Variants in TYW1B observed in about 807,000 individuals in gnomAD.
TYW1B encodes the protein tRNA-yW synthesizing protein 1 homolog B.
TYW1B carries 73 observed loss-of-function variants against 86.9 expected under a neutral mutation model. The observed-to-expected ratio is 0.84, with a 90% confidence interval of 0.70 to 1.02. The LOEUF is 1.02. Ranked by LOEUF, TYW1B falls within the 50% of genes least tolerant of loss-of-function variation. TYW1B has a pLI of 0.00. For synonymous variants in TYW1B, 248 were observed against 292.8 expected (o/e 0.85, Z 1.56); for missense variants, 637 against 827.4 (o/e 0.77, Z 2.82).
At chr7:72,589,400 C>T (rs192019935) in intron 13 of TYW1B, among the ~76,000 whole-genome samples, 19 of 152,190 alleles carry the variant, frequency 1.2e-4, no homozygotes, top group Admixed American at 1.2e-3. Flanking sequence ...GGAAATACCT[C>T]GATTTAGAGT....
chr7:72,643,119 G>A (rs1473997798), intron 11 of TYW1B, among the ~76,000 whole-genome samples: 4 of 152,004 alleles, frequency 2.6e-5, no homozygotes, highest in Admixed American at 1.3e-4. Context: ...TGGAAAGGAT[G>A]AGCATCTATA....
chr7:72,698,367 G>C (rs139419539), intron 10 of TYW1B, among the ~76,000 whole-genome samples: 6 of 152,016 alleles, frequency 3.9e-5, no homozygotes, highest in Non-Finnish European at 7.4e-5. Context: ...GCATCAGGCC[G>C]GGCACAGTGG....
At chr7:72,664,566 CAT>C (rs1204969067) in intron 11 of TYW1B, among the ~76,000 whole-genome samples, 2 of 152,044 alleles carry the variant, frequency 1.3e-5, no homozygotes, top group African/African-American at 4.8e-5. Context: ...CACATGGACA[CAT>C]AGAGAGGAAC....
In TYW1B at chr7:72,654,044, C is replaced by T. The variant is rs370610078; in HGVS notation, c.1507-25047G>A. The stretch of plus-strand genomic sequence containing the variant: ...GCAGTGAGCTAAGAGCATGCCACTG[C>T]ACTCCAGCCTGGGCGACAGAGCAAG... On this transcript the variant is annotated intron_variant, in intron 11 of 13. Coordinates refer to ENST00000620995, the MANE Select transcript of TYW1B (RefSeq NM_001145440.3). Among the ~76,000 whole-genome samples the T allele has an allele frequency of 9.4e-5, 14 of 149,212 alleles. No individual in the cohort carries two copies. In the East Asian group the frequency reaches 2.7e-3, roughly 29 times the overall value.
In TYW1B at chr7:72,711,972, A is replaced by C. The variant is rs183206094; in HGVS notation, c.1370+1649T>G. Among the ~76,000 whole-genome samples, 104 of 152,236 alleles carry C rather than the reference A, an allele frequency of 6.8e-4. 1 individual carries two copies. The highest frequency in any genetic ancestry group is 5.4e-3 in the Admixed American group (82 of 15,274). The stretch of plus-strand genomic sequence containing the variant: ...GAGGTCTTGACCTCAAGGAACTTGC[A>C]GTCTAATCGGGGAAAACACCAATAC... On this transcript the variant is annotated intron_variant, in intron 10 of 13. Transcript: ENST00000620995.
intron 6 of TYW1B, among the ~76,000 whole-genome samples, chr7:72,778,961 T>C (rs1396344271): frequency 2.4e-4 from 36 of 152,152 alleles, no homozygotes; most frequent in African/African-American, 8.4e-4. Flanking sequence ...GTGTATATTT[T>C]TAAGGATATC....
intron 11 of TYW1B, among the ~76,000 whole-genome samples, chr7:72,663,555 G>A (rs1226174255): frequency 1.5e-4 from 23 of 151,672 alleles, no homozygotes; most frequent in African/African-American, 3.6e-4. Flanking sequence ...TCAGGAGATC[G>A]AGACCATCCT....
At chr7:72,730,973 A>G (rs1378206808) in intron 8 of TYW1B, among the ~76,000 whole-genome samples, 1 of 151,074 alleles carries the variant, frequency 6.6e-6, no homozygotes, top group Non-Finnish European at 1.5e-5. Flanking sequence ...TTATAGTCAA[A>G]CTGTCAAAAG....
At chr7:72,743,317 G>A (rs1787336580) in intron 8 of TYW1B, among the ~76,000 whole-genome samples, 1 of 152,166 alleles carries the variant, frequency 6.6e-6, no homozygotes, top group African/African-American at 2.4e-5. Context: ...TGACAAAGGT[G>A]GGTGGGATAC....
intron 6 of TYW1B, among the ~76,000 whole-genome samples, chr7:72,800,800 C>T (rs562727180): frequency 2.6e-5 from 4 of 151,014 alleles, no homozygotes; most frequent in Non-Finnish European, 4.4e-5. Context: ...ACTATTATTC[C>T]ATGTTTATTT....
chr7:72,794,765 G>C (rs1226263448), intron 6 of TYW1B, among the ~76,000 whole-genome samples: 3 of 151,722 alleles, frequency 2.0e-5, no homozygotes, highest in Admixed American at 6.6e-5. Flanking sequence ...GACTAGGAGA[G>C]TGAGCACAAA....
At chr7:72,599,725 T>C (rs1464191700) in intron 13 of TYW1B, among the ~76,000 whole-genome samples, 2 of 152,100 alleles carry the variant, frequency 1.3e-5, no homozygotes, top group Admixed American at 6.6e-5. Context: ...ATAAAATTAA[T>C]TGCTTTCCTA....
intron 11 of TYW1B, among the ~76,000 whole-genome samples, chr7:72,637,822 T>C (rs1554440974): frequency 6.6e-6 from 1 of 151,554 alleles, no homozygotes; most frequent in African/African-American, 2.4e-5. Flanking sequence ...TCTCCTTCAC[T>C]CTTGAAAAAT....
chr7:72,673,350 A>C (rs1226005716), intron 11 of TYW1B, among the ~76,000 whole-genome samples: 1 of 152,250 alleles, frequency 6.6e-6, no homozygotes, highest in Admixed American at 6.5e-5. Context: ...AAGCAACCTA[A>C]GTATCCAATG....
chr7:72,621,400 C>T (rs1338310065), intron 12 of TYW1B, among the ~76,000 whole-genome samples: 1 of 152,212 alleles, frequency 6.6e-6, no homozygotes, highest in African/African-American at 2.4e-5. Flanking sequence ...CACCACGGCA[C>T]GAGGCCTTCC....
intron 11 of TYW1B, among the ~76,000 whole-genome samples, chr7:72,632,548 A>G (rs1364927844): frequency 7.2e-6 from 1 of 139,816 alleles, no homozygotes; most frequent in Non-Finnish European, 1.5e-5. Flanking sequence ...AGCATGCAGG[A>G]CAGTGAGTAA....
intron 11 of TYW1B, among the ~76,000 whole-genome samples, chr7:72,629,859 GTAAT>G (rs2129568713): frequency 6.6e-6 from 1 of 152,220 alleles, no homozygotes; most frequent in South Asian, 2.1e-4. Flanking sequence ...TTCTGAAAAT[GTAAT>G]TAGACAATAG....
At chr7:72,696,583 C>A (rs528269337) in intron 10 of TYW1B, among the ~76,000 whole-genome samples, 2 of 152,234 alleles carry the variant, frequency 1.3e-5, no homozygotes, top group East Asian at 3.9e-4. Flanking sequence ...TCTTGAAGAG[C>A]AAGAATCCTG....
At chr7:72,797,776 T>C (rs1367461680) in intron 6 of TYW1B, among the ~76,000 whole-genome samples, 1 of 152,074 alleles carries the variant, frequency 6.6e-6, no homozygotes, top group Non-Finnish European at 1.5e-5. Flanking sequence ...TTCAGGGAGT[T>C]CTGTGAGTCA....
Sources: gnomAD v4.1 joint callset for allele counts (sites outside exome capture counted in the v4.1 genomes callset) on GRCh38, gnomAD v4.1.1 for gene constraint, MANE v1.5 for transcripts, NCBI Gene and HGNC (gene_info 2026-07-23, HGNC 2026-07-21) for gene names.